Variants in ALMS1 observed in about 807,000 individuals in gnomAD.
ALMS1 encodes centrosome-associated protein ALMS1.
ALMS1 carries 271 observed loss-of-function variants against 352.2 expected under a neutral mutation model. The ratio of observed to expected loss-of-function variants is 0.77; its 90% CI spans 0.70 to 0.85. ALMS1 has a LOEUF of 0.85. ALMS1 is among the 40% of genes least tolerant of loss of function. The probability of loss-of-function intolerance (pLI) is 0.00; values close to 1 mark genes in which losing one functional copy is unlikely to be tolerated. For missense variants in ALMS1, 5,445 were observed against 4,870.7 expected, an observed-to-expected ratio of 1.12 and a Z score of -3.51; for synonymous variants, 1,865 against 1,761.2, an observed-to-expected ratio of 1.06 and a Z score of -1.48.
chr2:73,420,578 T>A (rs1229908160), intron 3 of ALMS1, among the ~76,000 whole-genome samples: 1 of 152,306 alleles, frequency 6.6e-6, no homozygotes, highest in East Asian at 1.9e-4. Flanking sequence ...TAGAGCCATT[T>A]AATACTAAAA....
intron 6 of ALMS1, among the ~76,000 whole-genome samples, chr2:73,431,254 G>A (rs1671493598): frequency 6.6e-6 from 1 of 152,148 alleles, no homozygotes; most frequent in African/African-American, 2.4e-5. Flanking sequence ...ACCTGTATGG[G>A]CAGTAGATGT....
intron 8 of ALMS1, 81 bp from the exon 9 acceptor site, chr2:73,455,081 A>G (rs767815912): frequency 1.1e-4 from 155 of 1,470,774 alleles, no homozygotes; most frequent in Non-Finnish European, 1.4e-4. Flanking sequence ...AATTGCATAT[A>G]TTGATGATCT....
intron 9 of ALMS1, among the ~76,000 whole-genome samples, chr2:73,483,623 A>G (rs1672761586): frequency 6.6e-6 from 1 of 151,678 alleles, no homozygotes; most frequent in African/African-American, 2.4e-5. Context: ...GTTCCTGGGT[A>G]TCCTTGTTGA....
At chr2:73,506,600 G>A (rs1186301101) in intron 10 of ALMS1, among the ~76,000 whole-genome samples, 1 of 152,146 alleles carries the variant, frequency 6.6e-6, no homozygotes, top group Non-Finnish European at 1.5e-5. Context: ...TGGTGTATAA[G>A]AATGCTTGTG....
chr2:73,545,783 GAA>G (rs1674301985), intron 12 of ALMS1, among the ~76,000 whole-genome samples: 1 of 152,162 alleles, frequency 6.6e-6, no homozygotes, highest in African/African-American at 2.4e-5. Context: ...AAAGAGGAGA[GAA>G]AGAATTTTAA....
At chr2:73,523,625 G>A (rs1159503834) in intron 11 of ALMS1, among the ~76,000 whole-genome samples, 1 of 152,062 alleles carries the variant, frequency 6.6e-6, no homozygotes, top group Non-Finnish European at 1.5e-5. Context: ...AAATTAGCCG[G>A]GCATGATGGC....
intron 11 of ALMS1, among the ~76,000 whole-genome samples, chr2:73,530,258 A>G (rs1214629345): frequency 6.6e-6 from 1 of 152,210 alleles, no homozygotes; most frequent in Non-Finnish European, 1.5e-5. Flanking sequence ...GTTAGTTCCA[A>G]GATACAGTGG....
chr2:73,386,904 A>G (rs1442181824), intron 1 of ALMS1, among the ~76,000 whole-genome samples: 2 of 152,208 alleles, frequency 1.3e-5, no homozygotes, highest in Non-Finnish European at 2.9e-5. Flanking sequence ...CTGCTTTTCG[A>G]GGAGCAAGAC....
At position 73,426,470 on chromosome 2, in the gene ALMS1, G is replaced by T. The variant is rs1671381064; in HGVS notation, c.1255G>T (p.Val419Phe). ...TTTTGTAGAGGGCCTGCAGGGGAAG[G>T]TTGAGTCTGACGTCATTACTCTGGA... ...TYLTKGLQGK[V>F]ESDVITLDGL... is the part of the protein sequence containing the mutation. The change falls in exon 6 of 23, where the codon GTT (valine) becomes TTT (phenylalanine). Residue 419 changes from valine (V) to phenylalanine (F), a missense_variant. By Grantham distance (50) the Val-to-Phe change is conservative. Transcript: ENST00000613296. 5.0e-6 allele frequency: 8 copies of T among 1,614,094 alleles called. No homozygotes were observed. The highest frequency in any genetic ancestry group is 1.7e-5 in the Admixed American group (1 of 60,020).
At chr2:73,408,532 G>C in intron 1 of ALMS1, 90 bp from the exon 2 acceptor site, 1 of 1,403,688 alleles carries the variant, frequency 7.1e-7, no homozygotes, top group Non-Finnish European at 9.8e-7. Flanking sequence ...TTTATAAACT[G>C]GGAAGTATGG....
intron 10 of ALMS1, among the ~76,000 whole-genome samples, chr2:73,492,922 G>A (rs868155440): frequency 6.6e-5 from 10 of 150,402 alleles, no homozygotes; most frequent in Admixed American, 4.6e-4. Flanking sequence ...ATTTTTAGTA[G>A]AGACGAGGTT....
At chr2:73,598,064 A>T (rs1355159819) in intron 16 of ALMS1, among the ~76,000 whole-genome samples, 1 of 152,242 alleles carries the variant, frequency 6.6e-6, no homozygotes, top group Non-Finnish European at 1.5e-5. Flanking sequence ...CAAATGCAAG[A>T]TGTACCACTC....
intron 9 of ALMS1, among the ~76,000 whole-genome samples, chr2:73,481,047 G>C (rs1246771847): frequency 6.6e-6 from 1 of 151,524 alleles, no homozygotes; most frequent in Non-Finnish European, 1.5e-5. Flanking sequence ...TCTGATGGTA[G>C]TTTCTTTTGC....
At chr2:73,488,168 C>T (rs1672895790) in intron 9 of ALMS1, among the ~76,000 whole-genome samples, 1 of 152,204 alleles carries the variant, frequency 6.6e-6, no homozygotes, top group African/African-American at 2.4e-5. Context: ...CTACGGTACC[C>T]ATGGCACACC....
At chr2:73,534,456 A>T (rs1242375597) in intron 11 of ALMS1, among the ~76,000 whole-genome samples, 1 of 152,116 alleles carries the variant, frequency 6.6e-6, no homozygotes, top group African/African-American at 2.4e-5. Context: ...CTATATATGG[A>T]ATGGATTGCT....
At chr2:73,566,795 A>G (rs933317315) in intron 15 of ALMS1, among the ~76,000 whole-genome samples, 3 of 152,160 alleles carry the variant, frequency 2.0e-5, no homozygotes, top group Non-Finnish European at 4.4e-5. Flanking sequence ...ACTAGCTCCA[A>G]ATTGGGGTGG....
chr2:73,587,362 A>AG (rs971306113), intron 16 of ALMS1, among the ~76,000 whole-genome samples: 11 of 152,166 alleles, frequency 7.2e-5, no homozygotes, highest in African/African-American at 2.7e-4. Flanking sequence ...TCCAGTTCTC[A>AG]GGGGAAATCC....
intron 9 of ALMS1, among the ~76,000 whole-genome samples, chr2:73,463,621 TAG>T (rs771010493): frequency 3.3e-4 from 40 of 122,502 alleles, no homozygotes; most frequent in Non-Finnish European, 6.2e-4. Flanking sequence ...CTGAAGGAAA[TAG>T]AGACACAAAA....
intron 12 of ALMS1, among the ~76,000 whole-genome samples, chr2:73,537,669 A>T (rs559971973): frequency 1.3e-5 from 2 of 152,298 alleles, no homozygotes; most frequent in South Asian, 4.1e-4. Flanking sequence ...CCAAACCCTG[A>T]GATGGAAGTA....
Sources: allele counts gnomAD v4.1 joint callset (sites outside exome capture counted in the v4.1 genomes callset), GRCh38; gene constraint gnomAD v4.1.1; transcripts MANE v1.5; gene names NCBI Gene and HGNC (gene_info 2026-07-23, HGNC 2026-07-21).